The following HMCN1 variants were observed in gnomAD, a reference collection of about 807,000 sequenced individuals.
HMCN1 encodes hemicentin-1.
In HMCN1, 321 loss-of-function variants were observed where a neutral mutation model predicts 625.9. The observed-to-expected ratio is 0.51, with a 90% CI of 0.47 to 0.56. The LOEUF is 0.56. Ranked by LOEUF, HMCN1 falls within the 20% of genes least tolerant of loss-of-function variation. The pLI is 0.00. For missense variants in HMCN1, 6,588 were observed against 6,887.3 expected (o/e 0.96, Z 1.54); for synonymous variants, 2,425 against 2,417.6 (o/e 1.00, Z -0.09).
At position 186,018,286 on chromosome 1, in the gene HMCN1, C is replaced by T. The variant is rs747075580; in HGVS notation, c.5404C>T (p.Leu1802Phe). 6.2e-6 allele frequency: 10 copies of T among 1,612,782 alleles called. No individual in the cohort carries two copies. In the East Asian group the frequency reaches 1.1e-4, roughly 18 times the overall value. The change falls in exon 34 of 107, where the codon CTT becomes TTT. Residue 1802 changes from leucine to phenylalanine, a missense_variant. Leu to Phe is a conservative substitution (Grantham distance 22). Coordinates refer to ENST00000271588, the MANE Select transcript of HMCN1 (RefSeq NM_031935.3). The stretch of plus-strand genomic sequence containing the variant: ...TCAGGCTCAAGTGTCAAACACAGGC[C>T]TTTATCGGTGCATGGCAGCAAATAC... Reference protein sequence around the residue: ...IAQAQVSNTGLYRCMAANTAG... With the variant: ...IAQAQVSNTGFYRCMAANTAG...
chr1:186,027,689 G>C (rs553277357), intron 36 of HMCN1, among the ~76,000 whole-genome samples: 19 of 152,170 alleles, frequency 1.2e-4, no homozygotes, highest in Admixed American at 1.1e-3. Flanking sequence ...AGGCTGTCTG[G>C]CAAAACACAT....
intron 4 of HMCN1, among the ~76,000 whole-genome samples, chr1:185,878,346 T>C (rs983226895): frequency 1.3e-5 from 2 of 152,184 alleles, no homozygotes; most frequent in South Asian, 4.1e-4. Flanking sequence ...CTTTCAACTT[T>C]CCCCCATTCA....
chr1:186,160,925 T>C (rs1312771465), intron 97 of HMCN1, among the ~76,000 whole-genome samples: 1 of 151,860 alleles, frequency 6.6e-6, no homozygotes, highest in African/African-American at 2.4e-5. Context: ...GTTCTGTAGA[T>C]GTCTATTAGG....
Position 186,184,077 on chromosome 1 carries a change from C to G in HMCN1, c.16414+1790C>G, listed in dbSNP as rs144020545. 2.4e-3 allele frequency among the ~76,000 whole-genome samples: 365 copies of G among 152,170 alleles called. 6 individuals carry two copies. In the South Asian group the frequency reaches 0.025, roughly 10 times the overall value. On this transcript the variant is annotated intron_variant, in intron 105 of 106. Coordinates refer to ENST00000271588, the MANE Select transcript of HMCN1 (RefSeq NM_031935.3). ...TTGTGCCAGTTTCTTTTTTTAATTGCCTTTGTCACTCACTTAGTTCAAAAC... is the reference window on the plus strand; with the variant it reads ...TTGTGCCAGTTTCTTTTTTTAATTGGCTTTGTCACTCACTTAGTTCAAAAC...
chr1:186,062,490 T>TTTG (rs753268114), intron 47 of HMCN1, 24 bp from the exon 48 acceptor site: 24 of 1,411,200 alleles, frequency 1.7e-5, no homozygotes, highest in Middle Eastern at 1.8e-4. Flanking sequence ...GAGCTGTTAT[T>TTTG]TTGTTGTTGT....
intron 11 of HMCN1, among the ~76,000 whole-genome samples, chr1:185,950,518 G>A (rs1668594217): frequency 6.6e-6 from 1 of 151,852 alleles, no homozygotes; most frequent in Admixed American, 6.6e-5. Flanking sequence ...TTGTTGTTTT[G>A]TAGAAGGTGC....
intron 1 of HMCN1, among the ~76,000 whole-genome samples, chr1:185,844,687 C>T (rs931832077): frequency 2.6e-5 from 4 of 152,108 alleles, no homozygotes; most frequent in African/African-American, 9.7e-5. Flanking sequence ...TTTCATCCAC[C>T]ATGAGAATTT....
In HMCN1 at chr1:186,018,334, T is replaced by A. The variant is rs1182472210; in HGVS notation, c.5452T>A (p.Phe1818Ile). The change falls in exon 34 of 107, where the codon TTT becomes ATT. Residue 1818 changes from phenylalanine (F) to isoleucine (I), a missense_variant. Phe to Ile is a conservative substitution (Grantham distance 21). Around this residue, in one of 3 missense-constraint regions of HMCN1, gnomAD observed 4,628 missense variants for 4,853.1 expected, o/e 0.95. Transcript: ENST00000271588. The part of the protein sequence containing the change: ...ANTAGDHKKE[F>I]EVTVHVPPTI... ...TACTGCTGGAGACCACAAGAAGGAATTTGAAGTGACTGTTCATGGTATGCT... is the reference window on the plus strand; with the variant it reads ...TACTGCTGGAGACCACAAGAAGGAAATTGAAGTGACTGTTCATGGTATGCT... 2 of 1,612,670 alleles carry A rather than the reference T, an allele frequency of 1.2e-6. No homozygotes were observed. The highest frequency in any genetic ancestry group is 1.7e-6 in the Non-Finnish European group (2 of 1,179,032).
intron 20 of HMCN1, among the ~76,000 whole-genome samples, chr1:185,989,079 C>T (rs1652206835): frequency 7.0e-6 from 1 of 142,902 alleles, no homozygotes; most frequent in African/African-American, 2.7e-5. Flanking sequence ...ACGATCTTGG[C>T]TCACTGCAAG....
In HMCN1 at chr1:185,911,738, A is replaced by G; in HGVS notation, c.858A>G (p.Val286=). The G allele has an allele frequency of 6.2e-7, 1 of 1,613,562 alleles. No homozygotes were observed. Among genetic ancestry groups the G allele is most frequent in the Non-Finnish European group, 8.5e-7 (1 of 1,179,578 alleles). Residue 286 remains valine, a synonymous_variant, in exon 6 of 107, where the codon GTA becomes GTG. Coordinates refer to ENST00000271588, the MANE Select transcript of HMCN1 (RefSeq NM_031935.3). The part of the protein sequence containing the change: ...ELLNIHNSAK[V]VNVKEPEAGM... ...TAAATATCCATAACTCTGCCAAAGT[A>G]GTGAATGTGAAAGAGCCAGAGGCTG...
chr1:186,139,019 C>CA (rs1649794350), intron 89 of HMCN1, among the ~76,000 whole-genome samples: 3 of 152,126 alleles, frequency 2.0e-5, no homozygotes, highest in Admixed American at 2.0e-4. Flanking sequence ...CCAAAAAACT[C>CA]AGAGACTTGA....
At chr1:186,011,031 C>T (rs1284638289) in intron 30 of HMCN1, among the ~76,000 whole-genome samples, 1 of 286 alleles carries the variant, frequency 3.5e-3, no homozygotes, top group Non-Finnish European at 6.5e-3. Flanking sequence ...TCATCTGCTA[C>T]TGGTTTTTTT....
chr1:186,110,219 T>A (rs1189945921), intron 71 of HMCN1, among the ~76,000 whole-genome samples: 2 of 152,180 alleles, frequency 1.3e-5, no homozygotes, highest in Non-Finnish European at 1.5e-5. Context: ...GTAATCATCA[T>A]GGTATAATCT....
chr1:186,038,762 G>T, intron 37 of HMCN1, 67 bp from the exon 38 acceptor site: 1 of 875,064 alleles, frequency 1.1e-6, no homozygotes, highest in Non-Finnish European at 2.0e-6. Flanking sequence ...ACTTAGCTAA[G>T]ATCCAACTTA....
chr1:185,843,031 A>G (rs1661581827), intron 1 of HMCN1, among the ~76,000 whole-genome samples: 1 of 152,176 alleles, frequency 6.6e-6, no homozygotes, highest in South Asian at 2.1e-4. Flanking sequence ...TGTCTGTAGG[A>G]TAAGGGGATT....
At chr1:185,844,604 T>C (rs916290078) in intron 1 of HMCN1, among the ~76,000 whole-genome samples, 3 of 152,240 alleles carry the variant, frequency 2.0e-5, no homozygotes, top group Admixed American at 6.5e-5. Flanking sequence ...TAAGTATCTT[T>C]ATAATTTTGC....
chr1:185,780,711 G>A (rs757587989), intron 1 of HMCN1, among the ~76,000 whole-genome samples: 10 of 152,218 alleles, frequency 6.6e-5, no homozygotes, highest in Admixed American at 6.5e-5. Flanking sequence ...CTTGATTGTG[G>A]TGGATAAGCT....
At chr1:186,100,714 G>A (rs1467748735) in intron 68 of HMCN1, among the ~76,000 whole-genome samples, 4 of 152,290 alleles carry the variant, frequency 2.6e-5, no homozygotes, top group East Asian at 1.9e-4. Flanking sequence ...GTGAATTACA[G>A]AGTTGAAATA....
intron 16 of HMCN1, among the ~76,000 whole-genome samples, chr1:185,979,935 A>G (rs1452334157): frequency 6.6e-6 from 1 of 152,092 alleles, no homozygotes; most frequent in African/African-American, 2.4e-5. Context: ...AGACAAAACC[A>G]TACTCTTGAG....
Sources: allele counts gnomAD v4.1 joint callset (sites outside exome capture counted in the v4.1 genomes callset), GRCh38; gene constraint gnomAD v4.1.1; regional missense constraint gnomAD v4.1.1; transcripts MANE v1.5; gene names NCBI Gene and HGNC (gene_info 2026-07-23, HGNC 2026-07-21).